The following NRIP1 variants were observed in gnomAD, a reference collection of about 807,000 sequenced individuals.
NRIP1 encodes nuclear receptor interacting protein 1, also known as nuclear receptor-interacting protein 1.
In NRIP1, 28 loss-of-function variants were observed where a neutral mutation model predicts 75.0. The observed-to-expected ratio is 0.37, with a 90% CI of 0.28 to 0.51. The LOEUF (loss-of-function observed/expected upper bound fraction) is 0.51. Ranked by LOEUF, NRIP1 falls within the 20% of genes least tolerant of loss-of-function variation. The probability of loss-of-function intolerance (pLI) is 0.92; values close to 1 mark genes in which losing one functional copy is unlikely to be tolerated. For missense variants in NRIP1, 1,435 were observed against 1,343.7 expected, an observed-to-expected ratio of 1.07 and a Z score of -1.06; for synonymous variants, 526 against 487.6, an observed-to-expected ratio of 1.08 and a Z score of -1.04.
intron 3 of NRIP1, chr21:14,992,500 C>T (rs1191839657): frequency 6.6e-6 from 1 of 152,122 alleles, no homozygotes; most frequent in Non-Finnish European, 1.5e-5. Context: ...GCTATTCAAG[C>T]TTTTAAAATA....
At chr21:14,974,849 T>C (rs1419566008) in intron 3 of NRIP1, among the ~76,000 whole-genome samples, 1 of 152,216 alleles carries the variant, frequency 6.6e-6, no homozygotes, top group Non-Finnish European at 1.5e-5. Context: ...GGCTCATGCC[T>C]GTAACTTCAG....
At chr21:14,986,011 A>G (rs540333113) in intron 3 of NRIP1, among the ~76,000 whole-genome samples, 42 of 152,196 alleles carry the variant, frequency 2.8e-4, no homozygotes, top group Middle Eastern at 6.8e-3. Flanking sequence ...TTATTTATTT[A>G]TTTTTTTACA....
intron 3 of NRIP1, among the ~76,000 whole-genome samples, chr21:14,985,854 A>C (rs1435965090): frequency 6.6e-6 from 1 of 152,216 alleles, no homozygotes; most frequent in African/African-American, 2.4e-5. Context: ...TAACATTAAA[A>C]TACTACTTTG....
intron 2 of NRIP1, among the ~76,000 whole-genome samples, chr21:15,019,671 A>G (rs2088324910): frequency 6.6e-6 from 1 of 151,574 alleles, no homozygotes; most frequent in Non-Finnish European, 1.5e-5. Context: ...TATTTTTAGT[A>G]GAGACGGGAT....
intron 3 of NRIP1, chr21:14,992,219 T>A (rs748768490): frequency 6.6e-5 from 10 of 152,258 alleles, no homozygotes; most frequent in Admixed American, 6.5e-4. Context: ...TACATGTTTG[T>A]TTGTTTGTTT....
chr21:14,981,730 ACTAAAATCTTTAATGAAAATCT>A (rs992211721), intron 3 of NRIP1, among the ~76,000 whole-genome samples: 5 of 152,142 alleles, frequency 3.3e-5, no homozygotes, highest in Admixed American at 3.3e-4. Flanking sequence ...AACACTGAAA[ACTAAAATCTTTAATGAAAATCT>A]CTCATCATTT....
intron 3 of NRIP1, among the ~76,000 whole-genome samples, chr21:14,969,671 C>T (rs1201898827): frequency 6.6e-6 from 1 of 152,252 alleles, no homozygotes; most frequent in African/African-American, 2.4e-5. Context: ...CAACAAATAC[C>T]TTGGTCCCTA....
In NRIP1 at chr21:14,968,024, C is replaced by A. The variant is rs141951801; in HGVS notation, c.169G>T (p.Ala57Ser). The A allele has an allele frequency of 1.2e-6, 2 of 1,614,036 alleles. No individual in the cohort carries two copies. Among genetic ancestry groups the A allele is most frequent in the Admixed American group, 3.3e-5 (2 of 59,962 alleles). ...CCATTACTTTGACAGGTGGGAAATG[C>A]ACTGCCAGAAATGTTAAAGTTCTGA... ...EDQNFNISGSAFPTCQSNGPV... is the reference protein window; with the variant it reads ...EDQNFNISGSSFPTCQSNGPV... Residue 57 changes from alanine to serine, a missense_variant, in exon 4 of 4, where the codon GCA (alanine) becomes TCA (serine). Coordinates refer to ENST00000318948, the MANE Select transcript of NRIP1 (RefSeq NM_003489.4).
At position 14,966,038 on chromosome 21, in the gene NRIP1, TC is replaced by T; in HGVS notation, c.2154del (p.Asn719ThrfsTer15). 1 of 1,611,856 alleles carries T rather than the reference TC, an allele frequency of 6.2e-7. No homozygotes were observed. The highest frequency in any genetic ancestry group is 8.5e-7 in the Non-Finnish European group (1 of 1,179,548). On this transcript the variant is annotated frameshift_variant, in exon 4 of 4. Transcript: ENST00000318948. LOFTEE classifies it high-confidence loss of function. ...TTTTCACTCTTCCCTTTGTTGGGGT[TC>T]CCCAGGAGCAACTGGAGGACAGTAC... ...ERRTVLQLLL[G>X]NPNKGKSEKK...
At chr21:15,051,993 T>C (rs2089211595) in intron 1 of NRIP1, 1 of 152,204 alleles carries the variant, frequency 6.6e-6, no homozygotes, top group African/African-American at 2.4e-5. Context: ...CTATTAACCC[T>C]ATCTAGTACA....
At chr21:15,005,914 T>G (rs2087960278) in intron 3 of NRIP1, among the ~76,000 whole-genome samples, 1 of 152,186 alleles carries the variant, frequency 6.6e-6, no homozygotes, top group African/African-American at 2.4e-5. Flanking sequence ...TATATTTCAG[T>G]GTAGTGAATG....
intron 3 of NRIP1, among the ~76,000 whole-genome samples, chr21:15,007,546 A>G (rs2147143164): frequency 6.6e-6 from 1 of 152,342 alleles, no homozygotes; most frequent in African/African-American, 2.4e-5. Context: ...GGGGTGCTTT[A>G]AAGAGGCAGA....
Position 15,023,688 on chromosome 21 carries a change from T to A in NRIP1, c.-457-9222A>T, listed in dbSNP as rs2088435500. Among the ~76,000 whole-genome samples, 3 of 152,202 alleles carry A rather than the reference T, an allele frequency of 2.0e-5. No individual in the cohort carries two copies. In the South Asian group the frequency reaches 6.2e-4, roughly 31 times the overall value. The stretch of plus-strand genomic sequence containing the variant: ...AATGCCTATCAAAATGTAAAAGGTT[T>A]AATAAGTTGATTCTAAAATTTGCAT... On this transcript the variant is annotated intron_variant, in intron 2 of 3. Coordinates refer to ENST00000318948, the MANE Select transcript of NRIP1 (RefSeq NM_003489.4).
intron 3 of NRIP1, among the ~76,000 whole-genome samples, chr21:15,003,265 A>C (rs1462767060): frequency 1.3e-5 from 2 of 152,210 alleles, no homozygotes; most frequent in Non-Finnish European, 2.9e-5. Context: ...AATTAAGAAC[A>C]AAATACTCAA....
intron 3 of NRIP1, among the ~76,000 whole-genome samples, chr21:14,970,321 G>A (rs2086867734): frequency 6.6e-6 from 1 of 152,118 alleles, no homozygotes; most frequent in Admixed American, 6.5e-5. Flanking sequence ...CGAGGTGGGT[G>A]GATCGCCTGA....
At chr21:15,046,455 G>A (rs971301628) in intron 1 of NRIP1, among the ~76,000 whole-genome samples, 2 of 152,172 alleles carry the variant, frequency 1.3e-5, no homozygotes, top group Non-Finnish European at 2.9e-5. Flanking sequence ...AAACCATGCT[G>A]TAAACAGATG....
chr21:15,048,762 A>T lies in NRIP1; in HGVS notation c.-537-5188T>A, dbSNP rs540428725. On this transcript the variant is annotated intron_variant, in intron 1 of 3. Coordinates refer to ENST00000318948, the MANE Select transcript of NRIP1 (RefSeq NM_003489.4). ...CAATACCTTAATTGCATTCATTTAC[A>T]TGACTCTGAAACTATTCTGGGCTGA... Among the ~76,000 whole-genome samples, 23 of 152,350 alleles carry T rather than the reference A, an allele frequency of 1.5e-4. No homozygotes were observed. In the East Asian group the frequency reaches 4.4e-3, roughly 29 times the overall value.
rs1184734061 is a variant in NRIP1 at position 14,968,400 on chromosome 21, ACGCAAGGAG to A, written c.-217_-209del. On this transcript the variant is annotated 5_prime_UTR_variant, in exon 4 of 4. Transcript: ENST00000318948. ...CTGACCACAGTGCTGATCAACTTCT[ACGCAAGGAG>A]GAGGAGAAGAATTCCTTAACACATA... is the stretch of plus-strand genomic sequence containing the variant. The A allele has an allele frequency of 5.6e-6, 3 of 535,468 alleles. No individual in the cohort carries two copies. Among genetic ancestry groups the A allele is most frequent in the African/African-American group, 1.9e-5 (1 of 52,560 alleles). 33.2% of individuals were successfully genotyped at this position (535,468 alleles called of 1,614,324 possible). A position where few individuals can be genotyped will look rare whatever the true frequency, so the allele number is the denominator to read the frequency against.
At position 14,966,025 on chromosome 21, in the gene NRIP1, C is replaced by G. The variant is rs1345857764; in HGVS notation, c.2168G>C (p.Gly723Ala). 1 of 1,611,104 alleles carries G rather than the reference C, an allele frequency of 6.2e-7. No individual in the cohort carries two copies. Among genetic ancestry groups the G allele is most frequent in the Admixed American group, 1.7e-5 (1 of 59,374 alleles). ...AGTTTTCTCTTTTTTTTCACTCTTC[C>G]CTTTGTTGGGGTTCCCCAGGAGCAA... ...LQLLLGNPNK[G>A]KSEKKEKTPL... is the part of the protein sequence containing the mutation. Residue 723 changes from glycine (G) to alanine (A), a missense_variant, in exon 4 of 4, where the codon GGG becomes GCG. Physicochemically the swap from Gly to Ala is moderately conservative, Grantham distance 60 (BLOSUM62 0). Coordinates refer to ENST00000318948, the MANE Select transcript of NRIP1 (RefSeq NM_003489.4).
Sources: allele counts gnomAD v4.1 joint callset (sites outside exome capture counted in the v4.1 genomes callset), GRCh38; gene constraint gnomAD v4.1.1; transcripts MANE v1.5; gene names NCBI Gene and HGNC (gene_info 2026-07-23, HGNC 2026-07-21).